The following PPP2R3C variants were observed in gnomAD, a reference collection of about 807,000 sequenced individuals.
PPP2R3C encodes the protein serine/threonine-protein phosphatase 2A regulatory subunit B'' subunit gamma.
Under a neutral mutation model 63.7 loss-of-function variants are expected in PPP2R3C, and 47 were observed. The ratio of observed to expected loss-of-function variants is 0.74; its 90% CI spans 0.58 to 0.94. The LOEUF is 0.94. Among genes scored for constraint, PPP2R3C ranks in the 40% least tolerant of loss-of-function variants. The pLI, the probability that PPP2R3C is intolerant of heterozygous loss-of-function variation, is 0.00. For missense variants in PPP2R3C, 421 were observed against 518.4 expected (o/e 0.81, Z 1.82); for synonymous variants, 180 against 177.4 (o/e 1.01, Z -0.12).
chr14:35,089,823 G>A (rs772018426), intron 11 of PPP2R3C, among the ~76,000 whole-genome samples: 36 of 143,516 alleles, frequency 2.5e-4, no homozygotes, highest in African/African-American at 7.1e-4. Flanking sequence ...CCGCCACCAC[G>A]CCCGGCTGAT....
intron 10 of PPP2R3C, among the ~76,000 whole-genome samples, chr14:35,092,801 ATT>A (rs1314555913): frequency 6.6e-6 from 1 of 152,118 alleles, no homozygotes; most frequent in African/African-American, 2.4e-5. Flanking sequence ...ATTTTAAAAT[ATT>A]GTTTAAAATT....
At chr14:35,118,545 G>A (rs982586283) in intron 1 of PPP2R3C, among the ~76,000 whole-genome samples, 2 of 152,032 alleles carry the variant, frequency 1.3e-5, no homozygotes, top group African/African-American at 2.4e-5. Flanking sequence ...AAGCTACAAC[G>A]GTACTTGGCA....
intron 1 of PPP2R3C, among the ~76,000 whole-genome samples, chr14:35,117,570 G>C (rs1049328221): frequency 1.3e-5 from 2 of 152,100 alleles, no homozygotes; most frequent in Non-Finnish European, 2.9e-5. Flanking sequence ...GCCTCACTGA[G>C]CTCTTGAATT....
At chr14:35,098,780 T>C (rs2046091168) in intron 7 of PPP2R3C, 1 of 153,780 alleles carries the variant, frequency 6.5e-6, no homozygotes, top group South Asian at 2.0e-4. Flanking sequence ...AAACTGTTAA[T>C]GAGGCCATAT....
chr14:35,116,684 A>G lies in PPP2R3C; in HGVS notation c.112T>C (p.Tyr38His), dbSNP rs1307089388. The change falls in exon 2 of 13, where the codon TAT becomes CAT. Residue 38 changes from tyrosine to histidine, a missense_variant. Tyr to His is a moderately conservative substitution (Grantham distance 83, BLOSUM62 2). Around this residue, in one of 3 missense-constraint regions of PPP2R3C, gnomAD observed 143 missense variants for 151.2 expected, o/e 0.95. Coordinates refer to ENST00000261475, the MANE Select transcript of PPP2R3C (RefSeq NM_017917.4). ...CTACCTCCTTTCCATTCGGAGTAAT[A>G]TTTTGTAAATAAATCCATTTCTTCA... Reference protein sequence around the residue: ...KDEEMDLFTKYYSEWKGGRKN... With the variant: ...KDEEMDLFTKHYSEWKGGRKN... 2.5e-6 allele frequency: 4 copies of G among 1,595,678 alleles called. No homozygotes were observed. The highest frequency in any genetic ancestry group is 1.7e-5 in the Admixed American group (1 of 58,430).
intron 6 of PPP2R3C, among the ~76,000 whole-genome samples, chr14:35,103,583 G>T (rs535257547): frequency 6.6e-6 from 1 of 151,956 alleles, no homozygotes; most frequent in African/African-American, 2.4e-5. Context: ...GTCTACAAGG[G>T]AATGAAAATT....
intron 4 of PPP2R3C, among the ~76,000 whole-genome samples, chr14:35,108,807 G>A (rs1369891166): frequency 6.6e-6 from 1 of 151,752 alleles, no homozygotes; most frequent in Non-Finnish European, 1.5e-5. Context: ...ACAGAGATTT[G>A]CTCTGTTGCC....
intron 1 of PPP2R3C, among the ~76,000 whole-genome samples, chr14:35,120,924 C>T (rs930187029): frequency 1.3e-5 from 2 of 150,900 alleles, no homozygotes; most frequent in Non-Finnish European, 2.9e-5. Flanking sequence ...CCAGCCTGGG[C>T]AACACAGGGA....
At chr14:35,092,807 T>A (rs1050554331) in intron 10 of PPP2R3C, among the ~76,000 whole-genome samples, 1 of 152,150 alleles carries the variant, frequency 6.6e-6, no homozygotes, top group Admixed American at 6.6e-5. Flanking sequence ...AAATATTGTT[T>A]AAAATTTTTA....
intron 2 of PPP2R3C, among the ~76,000 whole-genome samples, chr14:35,111,652 T>C (rs1324734584): frequency 6.6e-6 from 1 of 152,210 alleles, no homozygotes; most frequent in Non-Finnish European, 1.5e-5. Flanking sequence ...ATAACATCAC[T>C]ATTGTAGTAC....
intron 11 of PPP2R3C, among the ~76,000 whole-genome samples, chr14:35,088,297 C>G (rs1316354528): frequency 1.3e-5 from 2 of 152,158 alleles, no homozygotes; most frequent in Non-Finnish European, 2.9e-5. Context: ...TAGGAATGTT[C>G]TCCAACCTCA....
intron 4 of PPP2R3C, 25 bp downstream of exon 4, chr14:35,109,794 C>A (rs750389702): frequency 6.6e-7 from 1 of 1,510,362 alleles, no homozygotes; most frequent in Non-Finnish European, 9.2e-7. Context: ...ATAACACATT[C>A]TTTTGTTAAT....
chr14:35,120,498 G>A, intron 1 of PPP2R3C, among the ~76,000 whole-genome samples: 1 of 151,904 alleles, frequency 6.6e-6, no homozygotes, highest in Non-Finnish European at 1.5e-5. Context: ...GCCCGCCTCG[G>A]CCTCCCAAAG....
chr14:35,093,795 G>A (rs1403510244), intron 10 of PPP2R3C, among the ~76,000 whole-genome samples: 3 of 152,006 alleles, frequency 2.0e-5, no homozygotes, highest in Non-Finnish European at 4.4e-5. Flanking sequence ...GGGACTACAG[G>A]TGCCCGTCAC....
In PPP2R3C at chr14:35,094,426, C is replaced by T. The variant is rs556006429; in HGVS notation, c.975+622G>A. Among the ~76,000 whole-genome samples, 52 of 152,000 alleles carry T rather than the reference C, an allele frequency of 3.4e-4. 1 individual carries two copies. The highest frequency in any genetic ancestry group is 1.2e-3 in the African/African-American group (48 of 41,444). The stretch of plus-strand genomic sequence containing the variant: ...TTAAGTGGTTCTGTGGCCTTGGCCT[C>T]CCAAAGCGCTGGGATTATAACCATA... On this transcript the variant is annotated intron_variant, in intron 10 of 12. Coordinates refer to ENST00000261475, the MANE Select transcript of PPP2R3C (RefSeq NM_017917.4).
At chr14:35,117,078 TAC>T (rs1324422137) in intron 1 of PPP2R3C, 1 of 455,874 alleles carries the variant, frequency 2.2e-6, no homozygotes, top group African/African-American at 2.0e-5. Flanking sequence ...ACCTACTATG[TAC>T]AGAGAACGCT....
chr14:35,090,554 C>G (rs1003905993), intron 11 of PPP2R3C, among the ~76,000 whole-genome samples: 3 of 152,110 alleles, frequency 2.0e-5, no homozygotes, highest in Admixed American at 2.0e-4. Context: ...AAAATGGTTA[C>G]TAAATATTTA....
chr14:35,110,332 A>G (rs2046509409), intron 3 of PPP2R3C, 193 bp downstream of exon 3: 1 of 517,962 alleles, frequency 1.9e-6, no homozygotes, highest in East Asian at 3.2e-5. Context: ...CAAAAATAAC[A>G]AACAACACTA....
chr14:35,103,876 GAC>G (rs569304894), intron 6 of PPP2R3C, among the ~76,000 whole-genome samples: 2 of 152,150 alleles, frequency 1.3e-5, no homozygotes, highest in South Asian at 4.1e-4. Flanking sequence ...AAATTAGTAA[GAC>G]ACAAAGTCTG....
Sources: gnomAD v4.1 joint callset for allele counts (sites outside exome capture counted in the v4.1 genomes callset) on GRCh38, gnomAD v4.1.1 for gene constraint, gnomAD v4.1.1 regional missense constraint, MANE v1.5 for transcripts, NCBI Gene and HGNC (gene_info 2026-07-23, HGNC 2026-07-21) for gene names.